Variants in SRF observed in about 807,000 individuals in gnomAD.
SRF encodes c-fos serum response element-binding transcription factor.
SRF carries 7 observed loss-of-function variants against 37.1 expected under a neutral mutation model. The ratio of observed to expected loss-of-function variants is 0.19; its 90% CI spans 0.11 to 0.35. The LOEUF (loss-of-function observed/expected upper bound fraction) is 0.35. SRF is among the 10% of genes least tolerant of loss of function. The probability of loss-of-function intolerance (pLI) is 1.00; values close to 1 mark genes in which losing one functional copy is unlikely to be tolerated. For synonymous variants in SRF, 285 were observed against 310.1 expected, an observed-to-expected ratio of 0.92 and a Z score of 0.85; for missense variants, 395 against 694.4, an observed-to-expected ratio of 0.57 and a Z score of 4.85.
Position 43,179,048 on chromosome 6 carries a change from C to T in SRF, c.1432-47C>T, listed in dbSNP as rs758834986. 5 of 1,606,848 alleles carry T rather than the reference C, an allele frequency of 3.1e-6. No individual in the cohort carries two copies. The highest frequency in any genetic ancestry group is 1.1e-5 in the South Asian group (1 of 90,888). ...GGCAGGGAAGCCAGGGGAGCCTGAA[C>T]TGGCTGGCCAGTCCCTGCCCCTCCT... On this transcript the variant is annotated intron_variant, in intron 6 of 6. Coordinates refer to ENST00000265354, the MANE Select transcript of SRF (RefSeq NM_003131.4). This position sits in a 1 kb window ranked among gnomAD's most constrained non-coding sequence, Gnocchi z 5.3.
intron 4 of SRF, among the ~76,000 whole-genome samples, chr6:43,177,050 C>T (rs963599716): frequency 4.6e-5 from 7 of 152,092 alleles, no homozygotes; most frequent in Non-Finnish European, 8.8e-5. Context: ...CCTCAGGTAT[C>T]TCTAGACATT....
chr6:43,175,976 C>A lies in SRF; in HGVS notation c.1042+9C>A, dbSNP rs754096646. On this transcript the variant is annotated intron_variant, in intron 3 of 6. Coordinates refer to ENST00000265354, the MANE Select transcript of SRF (RefSeq NM_003131.4). ...CTTCACCCTCATGCCTGGTGAGTCA[C>A]GAGGGGCAGGGAGAGATTCGTCCTT... 56 of 1,608,528 alleles carry A rather than the reference C, an allele frequency of 3.5e-5. No individual in the cohort carries two copies. Among genetic ancestry groups the A allele is most frequent in the Non-Finnish European group, 4.5e-5 (53 of 1,177,464 alleles).
intron 2 of SRF, among the ~76,000 whole-genome samples, chr6:43,175,217 C>T (rs1157779398): frequency 1.3e-5 from 2 of 152,052 alleles, no homozygotes; most frequent in African/African-American, 4.8e-5. Flanking sequence ...CCCCCTCATG[C>T]TTATAGAAGA....
chr6:43,175,744 G>A lies in SRF; in HGVS notation c.819G>A (p.Pro273=), dbSNP rs756209842. 8 of 1,614,018 alleles carry A rather than the reference G, an allele frequency of 5.0e-6. No homozygotes were observed. The highest frequency in any genetic ancestry group is 1.3e-5 in the African/African-American group (1 of 74,886). ...CGGCGTTCACAGTCACCAACCTGCCGGGTACAACCTCCACCATCCAAACAG... is the reference window on the plus strand; with the variant it reads ...CGGCGTTCACAGTCACCAACCTGCCAGGTACAACCTCCACCATCCAAACAG... ...LKPAFTVTNL[P]GTTSTIQTAP... Residue 273 remains proline, a synonymous_variant, in exon 3 of 7, where the codon CCG becomes CCA. Transcript: ENST00000265354.
At position 43,171,931 on chromosome 6, in the gene SRF, G is replaced by A; in HGVS notation, c.275G>A (p.Gly92Asp). The part of the protein sequence containing the change: ...DSESGEEEEL[G>D]AERRGLKRSL... Reference sequence around the variant, plus strand: ...GAGTCGGGCGAGGAGGAGGAGCTGGGCGCCGAGCGGCGCGGCCTGAAGCGG... The same window carrying A: ...GAGTCGGGCGAGGAGGAGGAGCTGGACGCCGAGCGGCGCGGCCTGAAGCGG... Residue 92 changes from glycine (G) to aspartate (D), a missense_variant, in exon 1 of 7, where the codon GGC becomes GAC. Coordinates refer to ENST00000265354, the MANE Select transcript of SRF (RefSeq NM_003131.4). The surrounding 1 kb of genome is among the most constrained non-coding windows in gnomAD (Gnocchi z 6.5). 2.0e-6 allele frequency: 3 copies of A among 1,471,864 alleles called. 1 individual carries two copies. Among genetic ancestry groups the A allele is most frequent in the South Asian group, 2.7e-5 (2 of 74,776 alleles). 91.2% of individuals were successfully genotyped at this position (1,471,864 alleles called of 1,614,324 possible). A position where few individuals can be genotyped will look rare whatever the true frequency, so the allele number is the denominator to read the frequency against.
chr6:43,171,837 G>C lies in SRF; in HGVS notation c.181G>C (p.Ala61Pro). The C allele has an allele frequency of 4.8e-6, 6 of 1,260,054 alleles. No homozygotes were observed. The highest frequency in any genetic ancestry group is 6.0e-6 in the Non-Finnish European group (6 of 1,004,482). The allele number at this position is 1,260,054 out of a possible 1,614,324, so 78.1% of individuals were successfully genotyped here. A position where few individuals can be genotyped will look rare whatever the true frequency, so the allele number is the denominator to read the frequency against. Reference protein sequence around the residue: ...LGPGRLEREAAAAAATTPAPT... With the variant: ...LGPGRLEREAPAAAATTPAPT... Reference sequence around the variant, plus strand: ...GCCCGGCCGCCTGGAGCGGGAGGCTGCGGCAGCGGCGGCAACCACCCCGGC... The same window carrying C: ...GCCCGGCCGCCTGGAGCGGGAGGCTCCGGCAGCGGCGGCAACCACCCCGGC... The change falls in exon 1 of 7, where the codon GCG becomes CCG. Residue 61 changes from alanine (A) to proline (P), a missense_variant. Physicochemically the swap from Ala to Pro is conservative, Grantham distance 27 (BLOSUM62 -1). This residue lies in a region of SRF where 134 missense variants were observed against 204.5 expected (regional missense o/e 0.66). Transcript: ENST00000265354. This position sits in a 1 kb window ranked among gnomAD's most constrained non-coding sequence, Gnocchi z 6.5.
At chr6:43,175,998 C>T in intron 3 of SRF, 31 bp downstream of exon 3, 1 of 1,601,004 alleles carries the variant, frequency 6.2e-7, no homozygotes, top group South Asian at 1.1e-5. Context: ...AGAGATTCGT[C>T]CTTCCTGGGG....
chr6:43,178,928 G>T lies in SRF; in HGVS notation c.1431+46G>T. 1 of 1,603,240 alleles carries T rather than the reference G, an allele frequency of 6.2e-7. No individual in the cohort carries two copies. Among genetic ancestry groups the T allele is most frequent in the South Asian group, 1.1e-5 (1 of 90,860 alleles). On this transcript the variant is annotated intron_variant, in intron 6 of 6. Transcript: ENST00000265354. The surrounding 1 kb of genome is among the most constrained non-coding windows in gnomAD (Gnocchi z 4.3). ...CCCCATCCCAGATAGCCACTTCTTT[G>T]TCTTGACCTTAGGGGATCCTGTTAC...
At position 43,171,521 on chromosome 6, in the gene SRF, C is replaced by A; in HGVS notation, c.-136C>A. The A allele has an allele frequency of 9.8e-7, 1 of 1,016,564 alleles. No individual in the cohort carries two copies. The highest frequency in any genetic ancestry group is 1.2e-6 in the Non-Finnish European group (1 of 807,600). 63.0% of individuals were successfully genotyped at this position (1,016,564 alleles called of 1,614,324 possible). A position where few individuals can be genotyped will look rare whatever the true frequency, so the allele number is the denominator to read the frequency against. Reference sequence around the variant, plus strand: ...CCCGGGCGTGCAGGGGCCCCGGGTTCGCAGCGGCGGCCGCGGCAGCGATAG... The same window carrying A: ...CCCGGGCGTGCAGGGGCCCCGGGTTAGCAGCGGCGGCCGCGGCAGCGATAG... On this transcript the variant is annotated 5_prime_UTR_variant, in exon 1 of 7. Coordinates refer to ENST00000265354, the MANE Select transcript of SRF (RefSeq NM_003131.4). The surrounding 1 kb of genome is among the most constrained non-coding windows in gnomAD (Gnocchi z 6.5).
chr6:43,172,572 C>T lies in SRF; in HGVS notation c.513+403C>T, dbSNP rs546434351. ...GGGCGCCGGAAAAGCAGGGAGCAAA[C>T]GAGAAGGTATGGAGGTGAGGAGGCT... On this transcript the variant is annotated intron_variant, in intron 1 of 6. Coordinates refer to ENST00000265354, the MANE Select transcript of SRF (RefSeq NM_003131.4). This position sits in a 1 kb window ranked among gnomAD's most constrained non-coding sequence, Gnocchi z 5.7. The T allele has an allele frequency of 1.1e-4, 60 of 563,874 alleles. No homozygotes were observed. The highest frequency in any genetic ancestry group is 1.3e-4 in the Non-Finnish European group (58 of 445,030). 34.9% of individuals were successfully genotyped at this position (563,874 alleles called of 1,614,324 possible). A position where few individuals can be genotyped will look rare whatever the true frequency, so the allele number is the denominator to read the frequency against.
rs1582255773 is a variant in SRF at position 43,176,916 on chromosome 6, G to C, written c.1162+249G>C. On this transcript the variant is annotated intron_variant, in intron 4 of 6. Transcript: ENST00000265354. This position sits in a 1 kb window ranked among gnomAD's most constrained non-coding sequence, Gnocchi z 4.0. ...ACCTACCTCCTCATTCAGATGAGGA[G>C]CCTGAGGCCTAGAAATAAGAAGTTA... 6.6e-6 allele frequency among the ~76,000 whole-genome samples: 1 copy of C among 152,236 alleles called. No homozygotes were observed. The highest frequency in any genetic ancestry group is 6.5e-5 in the Admixed American group (1 of 15,304).
chr6:43,176,744 C>T lies in SRF; in HGVS notation c.1162+77C>T. 6.5e-7 allele frequency: 1 copy of T among 1,531,932 alleles called. No individual in the cohort carries two copies. Among genetic ancestry groups the T allele is most frequent in the Non-Finnish European group, 8.9e-7 (1 of 1,128,066 alleles). The allele number at this position is 1,531,932 out of a possible 1,614,324, so 94.9% of individuals were successfully genotyped here. On this transcript the variant is annotated intron_variant, in intron 4 of 6. Transcript: ENST00000265354. This position sits in a 1 kb window ranked among gnomAD's most constrained non-coding sequence, Gnocchi z 4.0. ...TAGCAGTAGGTGCCCAACAGTAACC[C>T]TCCTGTAACTAAAGTCAGGGGATTT...
rs1772146668 is a variant in SRF, at chr6:43,173,642, T to C, written c.514-205T>C. 6.6e-6 allele frequency among the ~76,000 whole-genome samples: 1 copy of C among 152,072 alleles called. No homozygotes were observed. The highest frequency in any genetic ancestry group is 2.1e-4 in the South Asian group (1 of 4,814). ...TTTGCTTGGGGTATCTTCAGGTCAA[T>C]GGGGCTGCTCCTCAAAGGAGGAGCA... is the stretch of plus-strand genomic sequence containing the variant. On this transcript the variant is annotated intron_variant, in intron 1 of 6. Transcript: ENST00000265354. This position sits in a 1 kb window ranked among gnomAD's most constrained non-coding sequence, Gnocchi z 4.2.
At chr6:43,175,385 T>G (rs906245570) in intron 2 of SRF, among the ~76,000 whole-genome samples, 2 of 152,230 alleles carry the variant, frequency 1.3e-5, no homozygotes, top group African/African-American at 4.8e-5. Context: ...ATAATGACAA[T>G]GATAATAATT....
Position 43,172,008 on chromosome 6 carries a change from G to T in SRF, c.352G>T (p.Ala118Ser), listed in dbSNP as rs1253040812. The T allele has an allele frequency of 1.3e-6, 2 of 1,580,800 alleles. No individual in the cohort carries two copies. Among genetic ancestry groups the T allele is most frequent in the Non-Finnish European group, 1.7e-6 (2 of 1,165,058 alleles). Reference protein sequence around the residue: ...GMVVGGPEASAAATGGYGPVS... With the variant: ...GMVVGGPEASSAATGGYGPVS... ...GGTGGTCGGTGGGCCCGAGGCGTCG[G>T]CAGCGGCCACCGGGGGCTACGGGCC... is the stretch of plus-strand genomic sequence containing the variant. Residue 118 changes from alanine (A) to serine (S), a missense_variant, in exon 1 of 7, where the codon GCA becomes TCA. Around this residue, in one of 4 missense-constraint regions of SRF, gnomAD observed 134 missense variants for 204.5 expected, o/e 0.66. Coordinates refer to ENST00000265354, the MANE Select transcript of SRF (RefSeq NM_003131.4). This position sits in a 1 kb window ranked among gnomAD's most constrained non-coding sequence, Gnocchi z 5.7.
In SRF at chr6:43,171,471, G is replaced by A. The variant is rs1255406052; in HGVS notation, c.-186G>A. On this transcript the variant is annotated 5_prime_UTR_variant, in exon 1 of 7. Coordinates refer to ENST00000265354, the MANE Select transcript of SRF (RefSeq NM_003131.4). The surrounding 1 kb of genome is among the most constrained non-coding windows in gnomAD (Gnocchi z 6.5). The stretch of plus-strand genomic sequence containing the variant: ...GCCTGGGGCAACCCGGGCCACAGGG[G>A]CAGGAAAGTGAGGGCCCAGGTCGGC... The A allele has an allele frequency of 1.9e-6, 1 of 517,684 alleles. No homozygotes were observed. Among genetic ancestry groups the A allele is most frequent in the Non-Finnish European group, 2.8e-6 (1 of 358,768 alleles). The allele number at this position is 517,684 out of a possible 1,614,324, so 32.1% of individuals were successfully genotyped here.
chr6:43,177,379 G>A (rs1019744229), intron 4 of SRF, among the ~76,000 whole-genome samples: 6 of 151,364 alleles, frequency 4.0e-5, no homozygotes, highest in Non-Finnish European at 7.4e-5. Context: ...ACAGGTGCCC[G>A]CCACCACACC....
intron 2 of SRF, among the ~76,000 whole-genome samples, chr6:43,175,347 G>A (rs1399531322): frequency 1.3e-5 from 2 of 152,166 alleles, no homozygotes; most frequent in Non-Finnish European, 2.9e-5. Context: ...ACCACAGTCC[G>A]CTGGAGCAGA....
At position 43,176,521 on chromosome 6, in the gene SRF, G is replaced by A. The variant is rs1772200683; in HGVS notation, c.1043-27G>A. The stretch of plus-strand genomic sequence containing the variant: ...GGAGGTGGCAATTGGGTGGGACAGA[G>A]CACAAATAAGACTCTGTGTCTTGCA... On this transcript the variant is annotated intron_variant, in intron 3 of 6. Transcript: ENST00000265354. This position sits in a 1 kb window ranked among gnomAD's most constrained non-coding sequence, Gnocchi z 4.0. 2 of 1,613,386 alleles carry A rather than the reference G, an allele frequency of 1.2e-6. No individual in the cohort carries two copies. The highest frequency in any genetic ancestry group is 1.1e-5 in the South Asian group (1 of 91,036).
Sources: gnomAD v4.1 joint callset for allele counts (sites outside exome capture counted in the v4.1 genomes callset) on GRCh38, gnomAD v4.1.1 for gene constraint, gnomAD v4.1.1 regional missense constraint, Gnocchi (gnomAD v3.1) non-coding constraint, MANE v1.5 for transcripts, NCBI Gene and HGNC (gene_info 2026-07-23, HGNC 2026-07-21) for gene names.